Variants in SPINDOC observed in about 807,000 individuals in gnomAD.
SPINDOC encodes the protein spindlin interactor and repressor of chromatin binding.
In SPINDOC, 13 loss-of-function variants were observed where a neutral mutation model predicts 30.7. The observed-to-expected ratio is 0.42, with a 90% confidence interval of 0.28 to 0.67. The LOEUF (loss-of-function observed/expected upper bound fraction) is 0.67. Among genes scored for constraint, SPINDOC ranks in the 30% least tolerant of loss-of-function variants. The pLI, the probability that SPINDOC is intolerant of heterozygous loss-of-function variation, is 0.22. For missense variants in SPINDOC, 438 were observed against 518.0 expected, an observed-to-expected ratio of 0.85 and a Z score of 1.50; for synonymous variants, 228 against 211.4, an observed-to-expected ratio of 1.08 and a Z score of -0.68.
chr11:63,827,280 T>C lies in SPINDOC; in HGVS notation c.*141T>C. 7.1e-7 allele frequency: 1 copy of C among 1,416,632 alleles called. No homozygotes were observed. Among genetic ancestry groups the C allele is most frequent in the Non-Finnish European group, 9.4e-7 (1 of 1,060,022 alleles). The allele number at this position is 1,416,632 out of a possible 1,614,324, so 87.8% of individuals were successfully genotyped here. A position where few individuals can be genotyped will look rare whatever the true frequency, so the allele number is the denominator to read the frequency against. ...AGGAGGGGGCTGGGGCAGCATCCAC[T>C]GTTATTTCGGGGCACTGGAAAGTGT... On this transcript the variant is annotated 3_prime_UTR_variant, in exon 6 of 6. Coordinates refer to ENST00000294244, the MANE Select transcript of SPINDOC (RefSeq NM_138471.3).
intron 5 of SPINDOC, among the ~76,000 whole-genome samples, chr11:63,820,817 G>A (rs1287423215): frequency 6.7e-6 from 1 of 148,314 alleles, no homozygotes; most frequent in Non-Finnish European, 1.5e-5. Flanking sequence ...GTGAACCCGG[G>A]AGGCGGAGCT....
chr11:63,816,128 A>T (rs1408259421), intron 1 of SPINDOC, among the ~76,000 whole-genome samples: 1 of 152,176 alleles, frequency 6.6e-6, no homozygotes, highest in Non-Finnish European at 1.5e-5. Flanking sequence ...AACAAGTGCC[A>T]GGTGGTGATG....
intron 5 of SPINDOC, among the ~76,000 whole-genome samples, chr11:63,821,845 C>A (rs974037256): frequency 2.0e-5 from 3 of 152,118 alleles, no homozygotes; most frequent in African/African-American, 4.8e-5. Flanking sequence ...AACTCCCAGG[C>A]TCAAGCAGTC....
At chr11:63,815,426 T>C (rs1286864820) in intron 1 of SPINDOC, among the ~76,000 whole-genome samples, 1 of 152,194 alleles carries the variant, frequency 6.6e-6, no homozygotes, top group Non-Finnish European at 1.5e-5. Context: ...TGCGGTGCTC[T>C]TGGGAGACTG....
In SPINDOC at chr11:63,827,183, C is replaced by T; in HGVS notation, c.*44C>T. ...AGGGAGGGAGGGATGAGGCAGCGTC[C>T]CCCAGTGGCTTATAACTCAGAGCTG... On this transcript the variant is annotated 3_prime_UTR_variant, in exon 6 of 6. Transcript: ENST00000294244. 1.3e-6 allele frequency: 2 copies of T among 1,599,608 alleles called. No homozygotes were observed. Among genetic ancestry groups the T allele is most frequent in the East Asian group, 2.2e-5 (1 of 44,492 alleles).
At chr11:63,819,309 C>G (rs1309241224) in intron 5 of SPINDOC, among the ~76,000 whole-genome samples, 1 of 152,198 alleles carries the variant, frequency 6.6e-6, no homozygotes, top group Non-Finnish European at 1.5e-5. Flanking sequence ...CTCCCAGGTT[C>G]AAGCAATTCT....
intron 5 of SPINDOC, among the ~76,000 whole-genome samples, chr11:63,821,083 A>C (rs2015508030): frequency 6.6e-6 from 1 of 152,150 alleles, no homozygotes; most frequent in Non-Finnish European, 1.5e-5. Context: ...TTATTATTTT[A>C]CAGTTCTGGA....
At position 63,817,785 on chromosome 11, in the gene SPINDOC, C is replaced by T. The variant is rs866443732; in HGVS notation, c.128-20C>T. 6.5e-7 allele frequency: 1 copy of T among 1,532,512 alleles called. No homozygotes were observed. 94.9% of individuals were successfully genotyped at this position (1,532,512 alleles called of 1,614,324 possible). A position where few individuals can be genotyped will look rare whatever the true frequency, so the allele number is the denominator to read the frequency against. On this transcript the variant is annotated intron_variant, in intron 1 of 5. Transcript: ENST00000294244. The stretch of plus-strand genomic sequence containing the variant: ...TGTGGGCACCTTTAGTGATAACACC[C>T]TCCCCCTCTCCCCTCGCAGTGACCC...
intron 5 of SPINDOC, among the ~76,000 whole-genome samples, chr11:63,826,330 C>T (rs2015654705): frequency 6.6e-6 from 1 of 152,170 alleles, no homozygotes; most frequent in South Asian, 2.1e-4. Context: ...TTTCCTCTGC[C>T]TCGAGGCCCA....
At chr11:63,824,560 G>A (rs2015605923) in intron 5 of SPINDOC, among the ~76,000 whole-genome samples, 1 of 152,052 alleles carries the variant, frequency 6.6e-6, no homozygotes, top group Non-Finnish European at 1.5e-5. Context: ...GTGGGTCAGT[G>A]TCGGTACTCG....
rs2015392514 is a variant in SPINDOC at position 63,817,998 on chromosome 11, C to T, written c.321C>T (p.Arg107=). ...EIRAPSADTA[R]SHILEQHPHT... is the part of the protein sequence containing the mutation. ...GGGCACCCTCGGCCGACACAGCTCGCTCGCACATCTTGGAGCAGCACCCTC... is the reference window on the plus strand; with the variant it reads ...GGGCACCCTCGGCCGACACAGCTCGTTCGCACATCTTGGAGCAGCACCCTC... The change falls in exon 2 of 6, where the codon CGC becomes CGT. Residue 107 remains arginine, a synonymous_variant. Transcript: ENST00000294244. The T allele has an allele frequency of 1.9e-6, 3 of 1,614,064 alleles. No homozygotes were observed. Among genetic ancestry groups the T allele is most frequent in the Admixed American group, 1.7e-5 (1 of 59,996 alleles).
chr11:63,822,503 G>A, intron 5 of SPINDOC: 9 of 845,558 alleles, frequency 1.1e-5, no homozygotes, highest in Non-Finnish European at 1.4e-5. Flanking sequence ...CCTTCAGAGA[G>A]AGCTCTCTGT....
chr11:63,814,875 C>T lies in SPINDOC; in HGVS notation c.127+1062C>T, dbSNP rs1396044211. Reference sequence around the variant, plus strand: ...ATTGTCAGAGGCTGTCTCAGTTAATCCTCTCAACCCTGCAAGGGTGGCCTT... The same window carrying T: ...ATTGTCAGAGGCTGTCTCAGTTAATTCTCTCAACCCTGCAAGGGTGGCCTT... On this transcript the variant is annotated intron_variant, in intron 1 of 5. Coordinates refer to ENST00000294244, the MANE Select transcript of SPINDOC (RefSeq NM_138471.3). 2.6e-5 allele frequency among the ~76,000 whole-genome samples: 4 copies of T among 152,216 alleles called. No homozygotes were observed. In the East Asian group the frequency reaches 7.7e-4, roughly 29 times the overall value.
In SPINDOC at chr11:63,817,897, G is replaced by T; in HGVS notation, c.220G>T (p.Glu74Ter). Residue 74 changes from glutamate (E) to a stop codon, truncating the protein, a stop_gained, in exon 2 of 6, where the codon GAG becomes TAG. Coordinates refer to ENST00000294244, the MANE Select transcript of SPINDOC (RefSeq NM_138471.3). LOFTEE classifies it high-confidence loss of function. Reference sequence around the variant, plus strand: ...GGAGCCGAAGCAGCAGGTGTCTTGGGAGCAGGAGTTCCTGGTGGGCAGCAG... The same window carrying T: ...GGAGCCGAAGCAGCAGGTGTCTTGGTAGCAGGAGTTCCTGGTGGGCAGCAG... The part of the protein sequence containing the change: ...CEEPKQQVSW[E>*]QEFLVGSSPG... 1 of 1,613,822 alleles carries T rather than the reference G, an allele frequency of 6.2e-7. No individual in the cohort carries two copies.
chr11:63,814,267 C>T (rs1468873305), intron 1 of SPINDOC, among the ~76,000 whole-genome samples: 1 of 152,240 alleles, frequency 6.6e-6, no homozygotes, highest in Non-Finnish European at 1.5e-5. Context: ...GCGCCGCTGC[C>T]GACCTCCAGG....
rs2015397326 is a variant in SPINDOC at position 63,818,160 on chromosome 11, G to A, written c.457+26G>A. 1 of 1,613,278 alleles carries A rather than the reference G, an allele frequency of 6.2e-7. No homozygotes were observed. Among genetic ancestry groups the A allele is most frequent in the African/African-American group, 1.3e-5 (1 of 75,036 alleles). On this transcript the variant is annotated intron_variant, in intron 2 of 5. Transcript: ENST00000294244. The surrounding 1 kb of genome is among the most constrained non-coding windows in gnomAD (Gnocchi z 5.3). ...GTAGTTGGTCCTGGGGCTGGCGAAG[G>A]GAGAAGTCGGACTTGTTGGGGCACT...
intron 1 of SPINDOC, among the ~76,000 whole-genome samples, chr11:63,814,435 A>G (rs943351360): frequency 1.3e-5 from 2 of 152,204 alleles, no homozygotes; most frequent in East Asian, 1.9e-4. Flanking sequence ...AAAGCAGTGC[A>G]GTGCTAGAAC....
chr11:63,813,882 T>A, intron 1 of SPINDOC, 69 bp downstream of exon 1: 4 of 1,414,386 alleles, frequency 2.8e-6, no homozygotes, highest in Non-Finnish European at 3.7e-6. Flanking sequence ...CCCTCCCCAG[T>A]CGGGGTCCGG....
At chr11:63,820,661 A>C (rs61886100) in intron 5 of SPINDOC, among the ~76,000 whole-genome samples, 64,157 of 150,616 alleles carry the variant, frequency 0.43, 16,324 homozygotes, top group East Asian at 0.71. Flanking sequence ...GGAGGCTGAG[A>C]CGGGCGGATC....
Sources: allele counts gnomAD v4.1 joint callset (sites outside exome capture counted in the v4.1 genomes callset), GRCh38; gene constraint gnomAD v4.1.1; non-coding constraint Gnocchi (gnomAD v3.1); transcripts MANE v1.5; gene names NCBI Gene and HGNC (gene_info 2026-07-23, HGNC 2026-07-21).